The following CACNA1E variants were observed in gnomAD, a reference collection of about 807,000 sequenced individuals.
CACNA1E encodes the protein calcium voltage-gated channel subunit alpha1 E.
Under a neutral mutation model 259.2 loss-of-function variants are expected in CACNA1E, and 40 were observed. The ratio of observed to expected loss-of-function variants is 0.15; its 90% CI spans 0.12 to 0.20. The LOEUF (loss-of-function observed/expected upper bound fraction) is 0.20. CACNA1E is among the 10% of genes least tolerant of loss of function. The pLI is 1.00. For synonymous variants in CACNA1E, 1,104 were observed against 1,138.5 expected (o/e 0.97, Z 0.61); for missense variants, 1,874 against 3,040.1 (o/e 0.62, Z 9.02).
At chr1:181,624,008 G>A (rs899085953) in intron 6 of CACNA1E, among the ~76,000 whole-genome samples, 8 of 152,200 alleles carry the variant, frequency 5.3e-5, no homozygotes, top group Non-Finnish European at 1.2e-4. Context: ...TGGCATTGGC[G>A]TCTGCCTCTG....
intron 1 of CACNA1E, among the ~76,000 whole-genome samples, chr1:181,401,093 A>G (rs541845973): frequency 6.6e-6 from 1 of 152,332 alleles, no homozygotes; most frequent in South Asian, 2.1e-4. Flanking sequence ...TGCTCCTAGC[A>G]AGGAACATTC....
chr1:181,345,591 A>G (rs1289452767), intron 1 of CACNA1E, among the ~76,000 whole-genome samples: 1 of 152,114 alleles, frequency 6.6e-6, no homozygotes, highest in Non-Finnish European at 1.5e-5. Context: ...AGGTCAGTCT[A>G]CTGGCGGAGA....
upstream of CACNA1E, among the ~76,000 whole-genome samples, chr1:181,481,969 T>C (rs930214646): frequency 1.3e-5 from 2 of 152,168 alleles, no homozygotes; most frequent in Non-Finnish European, 2.9e-5. Context: ...TAACTCACCA[T>C]GGAGGGCCCT....
Position 181,732,404 on chromosome 1 carries a change from A to C in CACNA1E, c.2318A>C (p.His773Pro). ...SSHLRERRRR[H>P]HMSVWEQRTS... is the part of the protein sequence containing the mutation. ...GGCAGGAGGGAGCGGAGGCGCCGGC[A>C]CCACATGTCCGTGTGGGAGCAGCGT... Residue 773 changes from histidine (H) to proline (P), a missense_variant, in exon 20 of 48, where the codon CAC becomes CCC. Physicochemically the swap from His to Pro is moderately conservative, Grantham distance 77 (BLOSUM62 -2). This residue lies in a region of CACNA1E where 476 missense variants were observed against 514.0 expected (regional missense o/e 0.93). Transcript: ENST00000367573. The surrounding 1 kb of genome is among the most constrained non-coding windows in gnomAD (Gnocchi z 5.5). 6.5e-7 allele frequency: 1 copy of C among 1,535,778 alleles called. No homozygotes were observed. Among genetic ancestry groups the C allele is most frequent in the Non-Finnish European group, 8.8e-7 (1 of 1,139,800 alleles).
chr1:181,456,178 T>A (rs11808595), intron 2 of CACNA1E, among the ~76,000 whole-genome samples: 65,304 of 151,406 alleles, frequency 0.43, 15,686 homozygotes, highest in African/African-American at 0.67. Flanking sequence ...TCATTGCTGA[T>A]GGTACCAGTG....
At chr1:181,491,559 T>A (rs1664319433) in intron 1 of CACNA1E, among the ~76,000 whole-genome samples, 1 of 152,226 alleles carries the variant, frequency 6.6e-6, no homozygotes, top group Non-Finnish European at 1.5e-5. Flanking sequence ...ATGCATTTCC[T>A]CATCCCAAAT....
At chr1:181,642,435 C>A (rs548091946) in intron 6 of CACNA1E, among the ~76,000 whole-genome samples, 3 of 152,170 alleles carry the variant, frequency 2.0e-5, no homozygotes, top group Admixed American at 2.0e-4. Flanking sequence ...GGTTGAAGAG[C>A]GGTTACCTTG....
intron 32 of CACNA1E, among the ~76,000 whole-genome samples, chr1:181,760,649 A>G (rs771614914): frequency 1.3e-5 from 2 of 152,228 alleles, no homozygotes; most frequent in African/African-American, 2.4e-5. Flanking sequence ...TCTCTCCATA[A>G]CAATATATTA....
At position 181,483,850 on chromosome 1, in the gene CACNA1E, G is replaced by T; in HGVS notation, c.106G>T (p.Ala36Ser). 4 of 1,613,746 alleles carry T rather than the reference G, an allele frequency of 2.5e-6. No individual in the cohort carries two copies. Among genetic ancestry groups the T allele is most frequent in the Non-Finnish European group, 2.5e-6 (3 of 1,179,844 alleles). The stretch of plus-strand genomic sequence containing the variant: ...AACCCCCGTGCCGGCCTCGGGGCAG[G>T]CGGCCGCCTACAAGCAGACGAAAGC... ...QGTPVPASGQ[A>S]AAYKQTKAQR... The change falls in exon 1 of 48, where the codon GCG (alanine) becomes TCG (serine). Residue 36 changes from alanine (A) to serine (S), a missense_variant. This residue lies in a region of CACNA1E where 110 missense variants were observed against 122.8 expected (regional missense o/e 0.90). Transcript: ENST00000367573.
At chr1:181,427,543 C>T (rs1659381413) in intron 2 of CACNA1E, among the ~76,000 whole-genome samples, 1 of 148,178 alleles carries the variant, frequency 6.7e-6, no homozygotes, top group Non-Finnish European at 1.5e-5. Flanking sequence ...ATCTCAACCC[C>T]TCCCCAACTT....
intron 1 of CACNA1E, among the ~76,000 whole-genome samples, chr1:181,411,893 A>C (rs1368650878): frequency 6.6e-6 from 1 of 152,238 alleles, no homozygotes; most frequent in Non-Finnish European, 1.5e-5. Flanking sequence ...TATAGGCGTG[A>C]GCCACTGCGC....
At chr1:181,655,767 G>A (rs997154286) in intron 7 of CACNA1E, among the ~76,000 whole-genome samples, 2 of 152,150 alleles carry the variant, frequency 1.3e-5, no homozygotes, top group African/African-American at 2.4e-5. Context: ...GGGTGACAGA[G>A]GCCTCTAAAA....
In CACNA1E at chr1:181,638,199, A is replaced by C. The variant is rs181524903; in HGVS notation, c.952-13139A>C. Among the ~76,000 whole-genome samples, 665 of 152,352 alleles carry C rather than the reference A, an allele frequency of 4.4e-3. 20 individuals are homozygous for C. The highest frequency in any genetic ancestry group is 0.04 in the Admixed American group (615 of 15,304). On this transcript the variant is annotated intron_variant, in intron 6 of 47. Coordinates refer to ENST00000367573, the MANE Select transcript of CACNA1E (RefSeq NM_001205293.3). ...CCTGGCAACAGAATGGCTGTTGTAC[A>C]ACTAGCCAGGGAATTTGCTGTGACA...
intron 7 of CACNA1E, among the ~76,000 whole-genome samples, chr1:181,680,190 C>T (rs1649811444): frequency 6.6e-6 from 1 of 150,402 alleles, no homozygotes; most frequent in Non-Finnish European, 1.5e-5. Flanking sequence ...CAGGAGAAAC[C>T]AGTGGGTGGA....
intron 42 of CACNA1E, 33 bp from the exon 43 acceptor site, chr1:181,785,680 A>C: frequency 1.7e-5 from 24 of 1,388,114 alleles, no homozygotes; most frequent in Non-Finnish European, 2.2e-5. Flanking sequence ...AGTCATTGGA[A>C]TTCTTTCCTT....
At chr1:181,443,440 C>A (rs1660621354) in intron 2 of CACNA1E, among the ~76,000 whole-genome samples, 1 of 152,246 alleles carries the variant, frequency 6.6e-6, no homozygotes, top group South Asian at 2.1e-4. Context: ...TGTGCTCTCT[C>A]TTTGTGTCTG....
chr1:181,793,525 CAT>C, intron 44 of CACNA1E, 138 bp from the exon 45 acceptor site: 1 of 841,332 alleles, frequency 1.2e-6, no homozygotes, highest in South Asian at 1.8e-5. Context: ...CACACACACA[CAT>C]ATACATACAA....
chr1:181,627,082 T>C (rs189088921), intron 6 of CACNA1E, among the ~76,000 whole-genome samples: 1 of 152,310 alleles, frequency 6.6e-6, no homozygotes, highest in Admixed American at 6.5e-5. Context: ...TATATAACTT[T>C]TATAGTTAGA....
intron 6 of CACNA1E, among the ~76,000 whole-genome samples, chr1:181,593,957 A>G (rs1258262357): frequency 6.6e-6 from 1 of 152,226 alleles, no homozygotes; most frequent in African/African-American, 2.4e-5. Context: ...TAATGGAAAA[A>G]TAATGGCAAT....
Sources: allele counts gnomAD v4.1 joint callset (sites outside exome capture counted in the v4.1 genomes callset), GRCh38; gene constraint gnomAD v4.1.1; regional missense constraint gnomAD v4.1.1; non-coding constraint Gnocchi (gnomAD v3.1); transcripts MANE v1.5; gene names NCBI Gene and HGNC (gene_info 2026-07-23, HGNC 2026-07-21).